ARHGAP21: variants seen among roughly 807,000 people sequenced by gnomAD.
The protein encoded by ARHGAP21 is Rho GTPase activating protein 21.
In ARHGAP21, 38 loss-of-function variants were observed where a neutral mutation model predicts 164.6. The observed-to-expected ratio is 0.23, with a 90% CI of 0.18 to 0.30. ARHGAP21 has a LOEUF of 0.30. Among genes scored for constraint, ARHGAP21 ranks in the 10% least tolerant of loss-of-function variants. ARHGAP21 has a pLI of 1.00. For synonymous variants in ARHGAP21, 766 were observed against 857.9 expected (o/e 0.89, Z 1.87); for missense variants, 1,822 against 2,370.7 (o/e 0.77, Z 4.81).
intron 4 of ARHGAP21, among the ~76,000 whole-genome samples, chr10:24,645,867 C>T (rs1038757530): frequency 6.6e-6 from 1 of 152,024 alleles, no homozygotes; most frequent in African/African-American, 2.4e-5. Context: ...CAATGGAGAA[C>T]AATAAGCAGA....
chr10:24,653,014 G>A (rs1838356381), intron 4 of ARHGAP21, among the ~76,000 whole-genome samples: 2 of 152,126 alleles, frequency 1.3e-5, no homozygotes, highest in South Asian at 2.1e-4. Flanking sequence ...AAAATTCAAT[G>A]TCAATTAACA....
chr10:24,717,134 T>C (rs1232577340), intron 2 of ARHGAP21, among the ~76,000 whole-genome samples: 1 of 151,998 alleles, frequency 6.6e-6, no homozygotes, highest in East Asian at 1.9e-4. Context: ...GGAGAAGAAA[T>C]GAGGATTAAC....
At chr10:24,683,487 G>A (rs1235646064) in intron 2 of ARHGAP21, among the ~76,000 whole-genome samples, 3 of 151,752 alleles carry the variant, frequency 2.0e-5, no homozygotes, top group African/African-American at 7.3e-5. Flanking sequence ...TATTTTCAAA[G>A]GTAAGTTTTT....
intron 2 of ARHGAP21, among the ~76,000 whole-genome samples, chr10:24,699,163 C>A (rs1843425415): frequency 6.6e-6 from 1 of 152,036 alleles, no homozygotes. Context: ...CCCTTTCTGG[C>A]TCCTATTATC....
intron 11 of ARHGAP21, among the ~76,000 whole-genome samples, chr10:24,606,417 C>A (rs571489335): frequency 4.7e-4 from 72 of 151,976 alleles, no homozygotes; most frequent in Middle Eastern, 3.4e-3. Context: ...CTTAAATATA[C>A]GAAATGGTGT....
chr10:24,673,892 C>T (rs2131816919), intron 2 of ARHGAP21, among the ~76,000 whole-genome samples: 1 of 152,062 alleles, frequency 6.6e-6, no homozygotes. Context: ...TGATCATAAA[C>T]CTAAATGTAA....
At chr10:24,688,747 G>A (rs1842450131) in intron 2 of ARHGAP21, among the ~76,000 whole-genome samples, 1 of 152,136 alleles carries the variant, frequency 6.6e-6, no homozygotes, top group African/African-American at 2.4e-5. Flanking sequence ...GAGAGCAAGG[G>A]CATCCTGACA....
chr10:24,692,021 C>T (rs1842796740), intron 2 of ARHGAP21, among the ~76,000 whole-genome samples: 1 of 152,148 alleles, frequency 6.6e-6, no homozygotes, highest in African/African-American at 2.4e-5. Flanking sequence ...CACTCAGATC[C>T]ACCTGAAGAG....
At chr10:24,710,049 T>C (rs770314810) in intron 2 of ARHGAP21, among the ~76,000 whole-genome samples, 3 of 152,196 alleles carry the variant, frequency 2.0e-5, no homozygotes, top group Non-Finnish European at 4.4e-5. Flanking sequence ...GAAATATGGG[T>C]AAAAACAAAA....
intron 2 of ARHGAP21, among the ~76,000 whole-genome samples, chr10:24,692,039 G>A (rs1317068223): frequency 6.6e-6 from 1 of 152,144 alleles, no homozygotes; most frequent in East Asian, 1.9e-4. Context: ...GAGACAAAAT[G>A]GAATTCTCTG....
chr10:24,674,438 T>C (rs1339226978), intron 2 of ARHGAP21, among the ~76,000 whole-genome samples: 1 of 152,030 alleles, frequency 6.6e-6, no homozygotes, highest in Non-Finnish European at 1.5e-5. Flanking sequence ...GGAGAATCGC[T>C]TGAACCAGGG....
At chr10:24,591,750 T>C (rs1015485415) in intron 22 of ARHGAP21, 67 bp from the exon 23 acceptor site, 39 of 1,600,790 alleles carry the variant, frequency 2.4e-5, no homozygotes, top group Non-Finnish European at 3.2e-5. Flanking sequence ...TCTTGGAGGA[T>C]AGTATAGAAA....
At chr10:24,680,697 T>C (rs576850897) in intron 2 of ARHGAP21, among the ~76,000 whole-genome samples, 3 of 152,210 alleles carry the variant, frequency 2.0e-5, no homozygotes, top group South Asian at 4.2e-4. Flanking sequence ...AAAAAAAATA[T>C]ACATATGTGC....
At chr10:24,709,411 C>T (rs754619224) in intron 2 of ARHGAP21, among the ~76,000 whole-genome samples, 2 of 152,118 alleles carry the variant, frequency 1.3e-5, no homozygotes, top group Non-Finnish European at 2.9e-5. Context: ...CTCCCTAACT[C>T]ATTCTATGAG....
At chr10:24,661,157 T>C (rs1839656879) in intron 4 of ARHGAP21, among the ~76,000 whole-genome samples, 2 of 149,602 alleles carry the variant, frequency 1.3e-5, no homozygotes, top group Non-Finnish European at 3.0e-5. Context: ...ATATTTATAT[T>C]ATAAATTATT....
chr10:24,656,536 C>A, intron 4 of ARHGAP21, among the ~76,000 whole-genome samples: 1 of 96,448 alleles, frequency 1.0e-5, no homozygotes. Context: ...AGCCCCCCGC[C>A]CGGCCAGCCG....
chr10:24,632,753 T>G (rs2131344828), intron 6 of ARHGAP21, among the ~76,000 whole-genome samples: 1 of 152,324 alleles, frequency 6.6e-6, no homozygotes, highest in Non-Finnish European at 1.5e-5. Flanking sequence ...TAGGCTCAGA[T>G]CCATGGCCTA....
chr10:24,675,880 G>T (rs1272107722), intron 2 of ARHGAP21, among the ~76,000 whole-genome samples: 2 of 152,214 alleles, frequency 1.3e-5, no homozygotes, highest in African/African-American at 2.4e-5. Flanking sequence ...GGGCTCAGTG[G>T]CTCATGCCTG....
At position 24,620,087 on chromosome 10, in the gene ARHGAP21, C is replaced by T. The variant is rs2131177233; in HGVS notation, c.1808G>A (p.Cys603Tyr). The change falls in exon 9 of 26, where the codon TGT becomes TAT. Residue 603 changes from cysteine (C) to tyrosine (Y), a missense_variant. Transcript: ENST00000396432. ...LQSNRNFQTT[C>Y]GMSLPRGISQ... ...AATACCCCGAGGCAGTGACATTCCACAAGTAGTCTGAAAATTTCTGTTTGA... is the reference window on the plus strand; with the variant it reads ...AATACCCCGAGGCAGTGACATTCCATAAGTAGTCTGAAAATTTCTGTTTGA... The T allele has an allele frequency of 1.2e-6, 2 of 1,613,926 alleles. No homozygotes were observed. The highest frequency in any genetic ancestry group is 2.2e-5 in the South Asian group (2 of 91,068).
Sources: gnomAD v4.1 joint callset for allele counts (sites outside exome capture counted in the v4.1 genomes callset) on GRCh38, gnomAD v4.1.1 for gene constraint, MANE v1.5 for transcripts, NCBI Gene and HGNC (gene_info 2026-07-23, HGNC 2026-07-21) for gene names.